The following CALN1 variants were observed in gnomAD, a reference collection of about 807,000 sequenced individuals.
CALN1 encodes the protein calcium-binding protein 8.
CALN1 carries 17 observed loss-of-function variants against 30.6 expected under a neutral mutation model. The observed-to-expected ratio is 0.56, with a 90% CI of 0.38 to 0.83. The LOEUF is 0.83. Among genes scored for constraint, CALN1 ranks in the 40% least tolerant of loss-of-function variants. The probability of loss-of-function intolerance (pLI) is 0.00; values close to 1 mark genes in which losing one functional copy is unlikely to be tolerated. For missense variants in CALN1, 291 were observed against 354.9 expected (o/e 0.82, Z 1.45); for synonymous variants, 156 against 131.4 (o/e 1.19, Z -1.28).
chr7:72,407,710 G>A (rs1165988653), intron 1 of CALN1, among the ~76,000 whole-genome samples: 1 of 152,172 alleles, frequency 6.6e-6, no homozygotes, highest in Non-Finnish European at 1.5e-5. Context: ...CTTCAGAGCA[G>A]TGCAGTAACA....
At chr7:72,271,612 G>C (rs1450680599) in intron 3 of CALN1, among the ~76,000 whole-genome samples, 6 of 108,568 alleles carry the variant, frequency 5.5e-5, no homozygotes, top group South Asian at 3.6e-4. Flanking sequence ...GCAGGCAGGA[G>C]ATGAGGGGTA....
chr7:72,261,808 C>T lies in CALN1; in HGVS notation c.244+16878G>A, dbSNP rs74301558. ...CACCATAAAACTTTAGTGGAACAAA[C>T]AAACTCTTAATATTGAAGTTGATGA... On this transcript the variant is annotated intron_variant, in intron 3 of 6. Transcript: ENST00000395275. Among the ~76,000 whole-genome samples, 311 of 152,278 alleles carry T rather than the reference C, an allele frequency of 2.0e-3. No homozygotes were observed. The East Asian group carries it at 0.032, about 15-fold the overall frequency.
At chr7:71,868,923 G>A (rs1375442444) in intron 5 of CALN1, among the ~76,000 whole-genome samples, 2 of 152,140 alleles carry the variant, frequency 1.3e-5, no homozygotes, top group African/African-American at 2.4e-5. Flanking sequence ...TGAAATATAC[G>A]CTGACTCCAG....
chr7:72,282,550 T>A lies in CALN1; in HGVS notation c.120-3740A>T, dbSNP rs142353550. Among the ~76,000 whole-genome samples, 1,046 of 152,300 alleles carry A rather than the reference T, an allele frequency of 6.9e-3. 8 individuals are homozygous for A. Among genetic ancestry groups the A allele is most frequent in the African/African-American group, 0.024 (995 of 41,566 alleles). Reference sequence around the variant, plus strand: ...GTTGGAAGGAACTAGCAAGGCTCTTTTGTCTTTCTGCCTTCCACCATGTGA... The same window carrying A: ...GTTGGAAGGAACTAGCAAGGCTCTTATGTCTTTCTGCCTTCCACCATGTGA... On this transcript the variant is annotated intron_variant, in intron 2 of 6. Transcript: ENST00000395275.
intron 3 of CALN1, among the ~76,000 whole-genome samples, chr7:72,148,841 T>C (rs566540064): frequency 2.7e-5 from 4 of 149,886 alleles, no homozygotes; most frequent in South Asian, 2.1e-4. Context: ...GAGATGGAGG[T>C]TGCAGTGAGC....
chr7:71,793,032 C>A (rs555051613), intron 6 of CALN1, among the ~76,000 whole-genome samples: 1 of 152,112 alleles, frequency 6.6e-6, no homozygotes, highest in South Asian at 2.1e-4. Flanking sequence ...GAGCCGGGTG[C>A]GGTGGCTCAC....
At chr7:72,086,775 TAAAAAATA>T (rs1260207975) in intron 4 of CALN1, among the ~76,000 whole-genome samples, 7 of 151,826 alleles carry the variant, frequency 4.6e-5, no homozygotes, top group African/African-American at 1.7e-4. Context: ...AAACCTAAAT[TAAAAAATA>T]AAAAAATAGT....
intron 4 of CALN1, among the ~76,000 whole-genome samples, chr7:72,065,622 T>C (rs1803967352): frequency 6.6e-6 from 1 of 152,208 alleles, no homozygotes; most frequent in South Asian, 2.1e-4. Context: ...AAATGTCCTC[T>C]GTGGGATCTC....
intron 3 of CALN1, among the ~76,000 whole-genome samples, chr7:72,230,503 G>C (rs1046619113): frequency 6.7e-6 from 1 of 150,100 alleles, no homozygotes; most frequent in Non-Finnish European, 1.5e-5. Context: ...GTGAGGCCCT[G>C]TCTTGAGAAA....
chr7:71,880,551 C>A (rs115660782), intron 5 of CALN1, among the ~76,000 whole-genome samples: 1 of 152,154 alleles, frequency 6.6e-6, no homozygotes, highest in East Asian at 1.9e-4. Flanking sequence ...ATGCTGATGA[C>A]CTTTGCATTT....
At chr7:72,138,907 A>G (rs1809691347) in intron 3 of CALN1, among the ~76,000 whole-genome samples, 1 of 152,178 alleles carries the variant, frequency 6.6e-6, no homozygotes, top group Non-Finnish European at 1.5e-5. Context: ...CTGCCCACAC[A>G]TTCAATGAAA....
chr7:72,336,835 G>A (rs1802089713), intron 2 of CALN1: 3 of 984,830 alleles, frequency 3.0e-6, no homozygotes, highest in Non-Finnish European at 3.6e-6. Flanking sequence ...TCAGCCTCTC[G>A]CTCACACCCC....
intron 3 of CALN1, among the ~76,000 whole-genome samples, chr7:72,131,194 A>G (rs900193200): frequency 6.6e-6 from 1 of 152,188 alleles, no homozygotes; most frequent in Non-Finnish European, 1.5e-5. Flanking sequence ...TATAATATCC[A>G]TAACTGAAGA....
At position 72,397,152 on chromosome 7, in the gene CALN1, C is replaced by T. The variant is rs556242820; in HGVS notation, c.119+6099G>A. On this transcript the variant is annotated intron_variant, in intron 2 of 6. Coordinates refer to ENST00000395275, the MANE Select transcript of CALN1 (RefSeq NM_031468.4). ...TCTCAAGCTCCTGGCCTCAAGCAAT[C>T]CTCCTGCCTCAGCCATCCAAAGTGC... Among the ~76,000 whole-genome samples the T allele has an allele frequency of 2.0e-4, 31 of 152,236 alleles. No individual in the cohort carries two copies. In the South Asian group the frequency reaches 3.7e-3, roughly 18 times the overall value.
intron 2 of CALN1, among the ~76,000 whole-genome samples, chr7:72,376,428 T>C (rs563298127): frequency 6.6e-6 from 1 of 152,358 alleles, no homozygotes; most frequent in Admixed American, 6.5e-5. Context: ...TGGGTTTTGA[T>C]ATTATTGTGG....
At chr7:72,316,239 G>A (rs916040391) in intron 2 of CALN1, among the ~76,000 whole-genome samples, 9 of 152,072 alleles carry the variant, frequency 5.9e-5, no homozygotes, top group African/African-American at 2.2e-4. Flanking sequence ...AAAACAACAC[G>A]TGGCACACCC....
At chr7:71,825,501 A>G (rs1788857168) in intron 5 of CALN1, among the ~76,000 whole-genome samples, 1 of 152,070 alleles carries the variant, frequency 6.6e-6, no homozygotes, top group Non-Finnish European at 1.5e-5. Flanking sequence ...AGACTAGGTA[A>G]TTTATAAAGA....
intron 2 of CALN1, among the ~76,000 whole-genome samples, chr7:72,379,018 C>CA (rs537697513): frequency 1.2e-4 from 18 of 152,144 alleles, no homozygotes; most frequent in Non-Finnish European, 2.2e-4. Flanking sequence ...AATGTTAAAC[C>CA]AACTTTCCAT....
intron 5 of CALN1, among the ~76,000 whole-genome samples, chr7:71,826,011 G>C (rs1158567303): frequency 2.1e-5 from 3 of 140,270 alleles, no homozygotes; most frequent in African/African-American, 2.7e-5. Context: ...CCAGCCTGGG[G>C]GACAGAGCGA....
Sources: allele counts gnomAD v4.1 joint callset (sites outside exome capture counted in the v4.1 genomes callset), GRCh38; gene constraint gnomAD v4.1.1; transcripts MANE v1.5; gene names NCBI Gene and HGNC (gene_info 2026-07-23, HGNC 2026-07-21).